PCNX2: variants seen among roughly 807,000 people sequenced by gnomAD.
PCNX2 encodes the protein pecanex-like protein 2.
In PCNX2, 168 loss-of-function variants were observed where a neutral mutation model predicts 223.8. The ratio of observed to expected loss-of-function variants is 0.75; its 90% confidence interval spans 0.66 to 0.85. The LOEUF (loss-of-function observed/expected upper bound fraction) is 0.85. PCNX2 is among the 40% of genes least tolerant of loss of function. PCNX2 has a pLI of 0.00. For synonymous variants in PCNX2, 1,006 were observed against 1,052.6 expected (o/e 0.96, Z 0.86); for missense variants, 2,507 against 2,675.5 (o/e 0.94, Z 1.39).
At chr1:233,183,826 G>C (rs947401003) in intron 15 of PCNX2, among the ~76,000 whole-genome samples, 3 of 152,144 alleles carry the variant, frequency 2.0e-5, no homozygotes, top group African/African-American at 7.2e-5. Flanking sequence ...AAGCTCACAT[G>C]AGTCAAAGGA....
intron 26 of PCNX2, chr1:233,018,752 A>G (rs1371400224): frequency 1.5e-5 from 15 of 985,134 alleles, no homozygotes; most frequent in Non-Finnish European, 1.7e-5. Context: ...CCCTGGAATG[A>G]GGCTGCACAT....
intron 23 of PCNX2, among the ~76,000 whole-genome samples, chr1:233,074,239 T>C (rs982338334): frequency 3.3e-5 from 5 of 152,184 alleles, no homozygotes; most frequent in Non-Finnish European, 2.9e-5. Context: ...TTGTGGAGAA[T>C]AGTTTATGTA....
chr1:233,117,967 G>A (rs912040494), intron 21 of PCNX2, among the ~76,000 whole-genome samples: 1 of 148,088 alleles, frequency 6.8e-6, no homozygotes, highest in Non-Finnish European at 1.5e-5. Context: ...CCGAGATCCC[G>A]CCACTGCACT....
intron 21 of PCNX2, among the ~76,000 whole-genome samples, chr1:233,132,730 C>T (rs1219904647): frequency 6.6e-6 from 1 of 152,070 alleles, no homozygotes; most frequent in Non-Finnish European, 1.5e-5. Flanking sequence ...GTATGTTCTA[C>T]TTAACTTTTT....
intron 23 of PCNX2, among the ~76,000 whole-genome samples, chr1:233,063,249 AACG>A (rs1314544048): frequency 1.3e-5 from 2 of 150,910 alleles, no homozygotes; most frequent in African/African-American, 4.9e-5. Flanking sequence ...CAACAACAAC[AACG>A]AAGAAGAATA....
In PCNX2 at chr1:233,054,253, T is replaced by C. The variant is rs1444843764; in HGVS notation, c.4351+15A>G. On this transcript the variant is annotated intron_variant, in intron 25 of 33. Transcript: ENST00000258229. ...AACCAACTTTCAACAGTTTCTACAA[T>C]GAAGAAATTCTTACCTCGGAATTCC... is the stretch of plus-strand genomic sequence containing the variant. 1 of 1,608,180 alleles carries C rather than the reference T, an allele frequency of 6.2e-7. No individual in the cohort carries two copies. Among genetic ancestry groups the C allele is most frequent in the Admixed American group, 1.7e-5 (1 of 59,716 alleles).
In PCNX2 at chr1:233,054,479, A is replaced by G; in HGVS notation, c.4140T>C (p.Asn1380=). The G allele has an allele frequency of 6.2e-7, 1 of 1,611,166 alleles. No homozygotes were observed. The highest frequency in any genetic ancestry group is 1.1e-5 in the South Asian group (1 of 90,836). ...LAVQIERDPG[N]DDNNLNSIFY... ...AAATGGAATTGAGATTGTTGTCATC[A>G]TTCCCTAAAGGCAGACAAGAAATAT... The change falls in exon 25 of 34, where the codon AAT becomes AAC. Residue 1380 remains asparagine, a synonymous_variant. Coordinates refer to ENST00000258229, the MANE Select transcript of PCNX2 (RefSeq NM_014801.4).
intron 17 of PCNX2, among the ~76,000 whole-genome samples, chr1:233,176,083 C>T (rs764283528): frequency 6.6e-6 from 1 of 152,184 alleles, no homozygotes; most frequent in East Asian, 1.9e-4. Context: ...CAGACTATTT[C>T]TCTTTTCCTT....
chr1:233,290,768 A>G (rs1661713974), intron 1 of PCNX2: 1 of 985,334 alleles, frequency 1.0e-6, no homozygotes, highest in Non-Finnish European at 1.2e-6. Context: ...TAAATTTTAA[A>G]AAGCAGAACT....
At chr1:233,117,360 G>A (rs58224065) in intron 21 of PCNX2, among the ~76,000 whole-genome samples, 20,331 of 149,748 alleles carry the variant, frequency 0.14, 1,461 homozygotes, top group East Asian at 0.21. Context: ...GGCCTGGCGC[G>A]GTTGCTCACG....
At chr1:233,143,445 A>T (rs544277598) in intron 19 of PCNX2, among the ~76,000 whole-genome samples, 1 of 152,258 alleles carries the variant, frequency 6.6e-6, no homozygotes, top group Non-Finnish European at 1.5e-5. Flanking sequence ...CCTGGACCTC[A>T]GGGAATACTT....
intron 21 of PCNX2, among the ~76,000 whole-genome samples, chr1:233,113,472 C>T (rs1675230818): frequency 6.6e-6 from 1 of 152,192 alleles, no homozygotes; most frequent in African/African-American, 2.4e-5. Context: ...CCACCCAACC[C>T]CTGCATCCAA....
intron 14 of PCNX2, 106 bp downstream of exon 14, chr1:233,200,048 A>G (rs991147338): frequency 2.2e-6 from 2 of 901,026 alleles, no homozygotes; most frequent in East Asian, 5.7e-5. Context: ...TTAAATGCTC[A>G]GGACAAAGAA....
At chr1:233,082,461 A>G (rs1334048322) in intron 23 of PCNX2, among the ~76,000 whole-genome samples, 1 of 152,238 alleles carries the variant, frequency 6.6e-6, no homozygotes, top group African/African-American at 2.4e-5. Context: ...GGCATCGAAC[A>G]AATAAAAATG....
chr1:233,228,169 C>T (rs1657856406), intron 9 of PCNX2, among the ~76,000 whole-genome samples: 1 of 152,074 alleles, frequency 6.6e-6, no homozygotes. Context: ...TCCTATTGGA[C>T]ATCCCACCTG....
At chr1:233,263,964 G>A (rs1402219052) in intron 1 of PCNX2, among the ~76,000 whole-genome samples, 1 of 152,154 alleles carries the variant, frequency 6.6e-6, no homozygotes, top group Non-Finnish European at 1.5e-5. Context: ...TGCAGGCCAT[G>A]GATTTCCCTA....
intron 10 of PCNX2, among the ~76,000 whole-genome samples, 167 bp from the exon 11 acceptor site, chr1:233,218,351 CA>C (rs1558356098): frequency 6.7e-6 from 1 of 149,494 alleles, no homozygotes; most frequent in African/African-American, 2.5e-5. Context: ...CAGGTTCAAG[CA>C]ATCCTCCTGC....
intron 28 of PCNX2, among the ~76,000 whole-genome samples, chr1:233,007,348 C>A (rs1202822796): frequency 6.6e-6 from 1 of 151,964 alleles, no homozygotes; most frequent in Non-Finnish European, 1.5e-5. Context: ...ATTATTACAA[C>A]CCTTTCATAT....
chr1:233,288,068 A>C (rs1160858691), intron 1 of PCNX2, among the ~76,000 whole-genome samples: 3 of 152,224 alleles, frequency 2.0e-5, no homozygotes, highest in Non-Finnish European at 2.9e-5. Flanking sequence ...ATTAAAAGTG[A>C]GTCCATTTTC....
Sources: allele counts gnomAD v4.1 joint callset (sites outside exome capture counted in the v4.1 genomes callset), GRCh38; gene constraint gnomAD v4.1.1; transcripts MANE v1.5; gene names NCBI Gene and HGNC (gene_info 2026-07-23, HGNC 2026-07-21).